Variants in CCDC28B observed in about 807,000 individuals in gnomAD.
CCDC28B encodes the protein coiled-coil domain-containing protein 28B.
In CCDC28B, 17 loss-of-function variants were observed where a neutral mutation model predicts 18.7. The ratio of observed to expected loss-of-function variants is 0.91; its 90% CI spans 0.62 to 1.36. CCDC28B has a LOEUF of 1.36. Ranked by LOEUF, CCDC28B falls within the 40% of genes most tolerant of loss-of-function variation. CCDC28B has a pLI of 0.00. For synonymous variants in CCDC28B, 116 were observed against 105.1 expected (o/e 1.10, Z -0.64); for missense variants, 213 against 251.7 (o/e 0.85, Z 1.04).
upstream of CCDC28B, chr1:32,197,073 CTCTG>C (rs1643041509): frequency 6.6e-6 from 1 of 152,284 alleles, no homozygotes; most frequent in African/African-American, 2.4e-5. This position sits in a 1 kb window ranked among gnomAD's most constrained non-coding sequence, Gnocchi z 4.6. Context: ...CTTTGAATCC[CTCTG>C]TCTGGAGTAG....
Position 32,205,281 on chromosome 1 carries a change from T to C in CCDC28B, c.*33T>C. The stretch of plus-strand genomic sequence containing the variant: ...ACGCAGGCCCACACTGCCCCTCTCA[T>C]TCTCTTCAAACTGTGACTTTTTACA... On this transcript the variant is annotated 3_prime_UTR_variant, in exon 6 of 6. Transcript: ENST00000373602. The surrounding 1 kb of genome is among the most constrained non-coding windows in gnomAD (Gnocchi z 5.6). 1 of 1,585,260 alleles carries C rather than the reference T, an allele frequency of 6.3e-7. No homozygotes were observed. The highest frequency in any genetic ancestry group is 1.8e-5 in the Admixed American group (1 of 56,792).
chr1:32,203,634 T>C (rs1287157451), intron 2 of CCDC28B, among the ~76,000 whole-genome samples: 1 of 152,156 alleles, frequency 6.6e-6, no homozygotes, highest in Non-Finnish European at 1.5e-5. Context: ...AGGGACCCCC[T>C]TTCAGGCACT....
intron 2 of CCDC28B, chr1:32,202,514 AT>A (rs570445420): frequency 2.0e-5 from 7 of 358,936 alleles, no homozygotes; most frequent in African/African-American, 4.3e-5. Context: ...TCTCTGTTGA[AT>A]TTTTTTTATG....
chr1:32,196,565 A>G (rs995404124), upstream of CCDC28B: 3 of 152,242 alleles, frequency 2.0e-5, no homozygotes, highest in Non-Finnish European at 4.4e-5. Context: ...CATAACTACT[A>G]TGTACTGTGT....
upstream of CCDC28B, chr1:32,196,343 A>AC (rs1275726086): frequency 6.7e-6 from 1 of 149,984 alleles, no homozygotes; most frequent in Non-Finnish European, 1.5e-5. Flanking sequence ...TCCTGCCCCC[A>AC]CCCCCACATG....
intron 2 of CCDC28B, 187 bp downstream of exon 2, chr1:32,202,286 G>T: frequency 1.3e-6 from 1 of 768,656 alleles, no homozygotes; most frequent in Non-Finnish European, 2.2e-6. Context: ...AAAAAGGCCA[G>T]GTGGGTCACT....
intron 2 of CCDC28B, chr1:32,202,346 T>G: frequency 1.5e-6 from 1 of 668,314 alleles, no homozygotes; most frequent in Non-Finnish European, 2.7e-6. Flanking sequence ...TGAGCAACTC[T>G]GCAAGAAAGT....
upstream of CCDC28B, among the ~76,000 whole-genome samples, chr1:32,199,381 G>A (rs927292754): frequency 2.0e-5 from 3 of 151,980 alleles, no homozygotes; most frequent in African/African-American, 7.3e-5. Context: ...GGGGGGTGCC[G>A]CCCCAACTCT....
At position 32,204,257 on chromosome 1, in the gene CCDC28B, A is replaced by G. The variant is rs1338684598; in HGVS notation, c.403A>G (p.Ser135Gly). ...MQEKLARLHF[S>G]LDVCGEEEDD... ...GGAGAAGCTAGCCCGGCTGCACTTC[A>G]GCCTGGATGTGTGTGGGGAGGAGGA... Residue 135 changes from serine to glycine, a missense_variant, in exon 4 of 6, where the codon AGC (serine) becomes GGC (glycine). Coordinates refer to ENST00000373602, the MANE Select transcript of CCDC28B (RefSeq NM_024296.5). The G allele has an allele frequency of 6.2e-7, 1 of 1,614,076 alleles. No homozygotes were observed. Among genetic ancestry groups the G allele is most frequent in the South Asian group, 1.1e-5 (1 of 91,080 alleles).
intron 1 of CCDC28B, 199 bp from the exon 2 acceptor site, chr1:32,201,714 G>C (rs1178010853): frequency 4.5e-6 from 2 of 440,416 alleles, no homozygotes; most frequent in Non-Finnish European, 8.0e-6. Context: ...AGGGGAATTA[G>C]GTTGGGCCTT....
rs772559410 is a variant in CCDC28B, at chr1:32,204,011, C to T, written c.297C>T (p.Leu99=). The T allele has an allele frequency of 2.6e-6, 4 of 1,559,552 alleles. No individual in the cohort carries two copies. The highest frequency in any genetic ancestry group is 3.5e-6 in the Non-Finnish European group (4 of 1,154,296). ...YEMEGGLLNL[L]NDFHSGRLQA... is the part of the protein sequence containing the mutation. The stretch of plus-strand genomic sequence containing the variant: ...TGGAGGGGGGACTCCTGAACCTGCT[C>T]AATGATTTCCACTCTGGCCGGCTGC... The change falls in exon 3 of 6, where the codon CTC becomes CTT. Residue 99 remains leucine (L), a synonymous_variant. Transcript: ENST00000373602.
At chr1:32,200,862 C>A (rs1643132066) in intron 1 of CCDC28B, among the ~76,000 whole-genome samples, 153 bp downstream of exon 1, 1 of 152,162 alleles carries the variant, frequency 6.6e-6, no homozygotes, top group Non-Finnish European at 1.5e-5. Flanking sequence ...CCCAGCCGCT[C>A]CTGGGGAGCA....
chr1:32,196,298 C>T (rs1433787497), upstream of CCDC28B: 1 of 152,540 alleles, frequency 6.6e-6, no homozygotes, highest in Non-Finnish European at 1.5e-5. Context: ...GGTCCCATGT[C>T]CAGCTGCCTC....
At chr1:32,196,946 T>C (rs1163069692), upstream of CCDC28B, 4 of 152,276 alleles carry the variant, frequency 2.6e-5, no homozygotes, top group Admixed American at 2.6e-4. Context: ...TGCTATTCTC[T>C]GGTGTATCCT....
At chr1:32,198,902 A>C (rs1643085213), upstream of CCDC28B, among the ~76,000 whole-genome samples, 1 of 152,234 alleles carries the variant, frequency 6.6e-6, no homozygotes, top group Non-Finnish European at 1.5e-5. Flanking sequence ...GGAGCCAGGC[A>C]TAGGCCATTT....
At chr1:32,199,302 C>G (rs1188905459), upstream of CCDC28B, among the ~76,000 whole-genome samples, 2 of 152,212 alleles carry the variant, frequency 1.3e-5, no homozygotes, top group Non-Finnish European at 1.5e-5. Flanking sequence ...ACCCTTCTAG[C>G]TGGGTCCTGA....
chr1:32,205,221 C>T lies in CCDC28B; in HGVS notation c.576C>T (p.Ala192=). ...SIQKLHLAEN[A]EPEEQSAA is the part of the protein sequence containing the mutation. Reference sequence around the variant, plus strand: ...AGAAGCTGCACCTGGCCGAGAACGCCGAGCCTGAGGAGCAGTCCGCTGCGT... The same window carrying T: ...AGAAGCTGCACCTGGCCGAGAACGCTGAGCCTGAGGAGCAGTCCGCTGCGT... Residue 192 remains alanine, a synonymous_variant, in exon 6 of 6, where the codon GCC becomes GCT. Transcript: ENST00000373602. The surrounding 1 kb of genome is among the most constrained non-coding windows in gnomAD (Gnocchi z 5.6). 6.2e-7 allele frequency: 1 copy of T among 1,613,870 alleles called. No homozygotes were observed. Among genetic ancestry groups the T allele is most frequent in the Non-Finnish European group, 8.5e-7 (1 of 1,179,900 alleles).
chr1:32,203,345 C>T (rs1356738563), intron 2 of CCDC28B, among the ~76,000 whole-genome samples: 1 of 151,588 alleles, frequency 6.6e-6, no homozygotes, highest in African/African-American at 2.4e-5. Context: ...ATAATGCCAG[C>T]AACTTGGGAG....
rs1643171755 is a variant in CCDC28B, at chr1:32,202,680, GA to G, written c.164+582del. ...GGGGCATGAAGCTCAAGGCTGTGGG[GA>G]GAGTAGCAGGAAAGGCAACTGGGAA... On this transcript the variant is annotated intron_variant, in intron 2 of 5. Coordinates refer to ENST00000373602, the MANE Select transcript of CCDC28B (RefSeq NM_024296.5). 1.7e-5 allele frequency: 3 copies of G among 175,280 alleles called. No individual in the cohort carries two copies. The South Asian group carries it at 3.3e-4, about 19-fold the overall frequency. 10.9% of individuals were successfully genotyped at this position (175,280 alleles called of 1,614,324 possible).
Sources: gnomAD v4.1 joint callset for allele counts (sites outside exome capture counted in the v4.1 genomes callset) on GRCh38, gnomAD v4.1.1 for gene constraint, Gnocchi (gnomAD v3.1) non-coding constraint, MANE v1.5 for transcripts, NCBI Gene and HGNC (gene_info 2026-07-23, HGNC 2026-07-21) for gene names.